CAD: variants seen among roughly 807,000 people sequenced by gnomAD.
The protein encoded by CAD is carbamoyl-phosphate synthetase 2, aspartate transcarbamylase, and dihydroorotase.
CAD carries 81 observed loss-of-function variants against 237.2 expected under a neutral mutation model. That is an observed-to-expected ratio of 0.34 (90% CI 0.29 to 0.41). The LOEUF is 0.41. Among genes scored for constraint, CAD ranks in the 10% least tolerant of loss-of-function variants. The probability of loss-of-function intolerance (pLI) is 1.00; values close to 1 mark genes in which losing one functional copy is unlikely to be tolerated. For missense variants in CAD, 2,181 were observed against 2,951.7 expected (o/e 0.74, Z 6.05); for synonymous variants, 1,196 against 1,162.8 (o/e 1.03, Z -0.58).
At position 27,230,370 on chromosome 2, in the gene CAD, G is replaced by A. The variant is rs115453885; in HGVS notation, c.2288-1098G>A. On this transcript the variant is annotated intron_variant, in intron 15 of 43. Transcript: ENST00000264705. ...AACATACCTATGAAGGGCCCGGCAC[G>A]GTGGCTCACGCCTGTAACCCCAGCA... Among the ~76,000 whole-genome samples, 1,052 of 150,054 alleles carry A rather than the reference G, an allele frequency of 7.0e-3. 10 individuals carry two copies. Among genetic ancestry groups the A allele is most frequent in the African/African-American group, 0.024 (985 of 40,900 alleles).
Position 27,232,382 on chromosome 2 carries a change from C to G in CAD, c.2646-66C>G, listed in dbSNP as rs1675802482. On this transcript the variant is annotated intron_variant, in intron 17 of 43. Coordinates refer to ENST00000264705, the MANE Select transcript of CAD (RefSeq NM_004341.5). The surrounding 1 kb of genome is among the most constrained non-coding windows in gnomAD (Gnocchi z 4.1). ...TTTCCTCTCATCTGTGCCCTGGGGTCTCAACCCTCTATCAGTCTGTACCCT... is the reference window on the plus strand; with the variant it reads ...TTTCCTCTCATCTGTGCCCTGGGGTGTCAACCCTCTATCAGTCTGTACCCT... The G allele has an allele frequency of 1.9e-6, 3 of 1,600,216 alleles. No homozygotes were observed. In the East Asian group the frequency reaches 6.7e-5, roughly 36 times the overall value.
chr2:27,242,177 T>A lies in CAD; in HGVS notation c.6096+54T>A, dbSNP rs1676352303. Reference sequence around the variant, plus strand: ...GTTAAGAAGGCTGGACCCAGGGGCATGAGAACCCTTCTGCCCACGTTTTCT... The same window carrying A: ...GTTAAGAAGGCTGGACCCAGGGGCAAGAGAACCCTTCTGCCCACGTTTTCT... On this transcript the variant is annotated intron_variant, in intron 39 of 43. Transcript: ENST00000264705. This position sits in a 1 kb window ranked among gnomAD's most constrained non-coding sequence, Gnocchi z 6.4. 1 of 1,594,572 alleles carries A rather than the reference T, an allele frequency of 6.3e-7. No individual in the cohort carries two copies. The highest frequency in any genetic ancestry group is 1.3e-5 in the African/African-American group (1 of 74,652).
In CAD at chr2:27,238,300, G is replaced by C. The variant is rs1228951733; in HGVS notation, c.4860+113G>C. 3 of 1,471,426 alleles carry C rather than the reference G, an allele frequency of 2.0e-6. No individual in the cohort carries two copies. The African/African-American group carries it at 4.2e-5, about 21-fold the overall frequency. 91.1% of individuals were successfully genotyped at this position (1,471,426 alleles called of 1,614,324 possible). ...GGAGGAGAGTCTGGAGACAGCAGGAGGAGGGTCTCGAGCCAGCACCCTTGC... is the reference window on the plus strand; with the variant it reads ...GGAGGAGAGTCTGGAGACAGCAGGACGAGGGTCTCGAGCCAGCACCCTTGC... On this transcript the variant is annotated intron_variant, in intron 30 of 43. Coordinates refer to ENST00000264705, the MANE Select transcript of CAD (RefSeq NM_004341.5).
At position 27,243,615 on chromosome 2, in the gene CAD, A is replaced by G; in HGVS notation, c.*97A>G. On this transcript the variant is annotated 3_prime_UTR_variant, in exon 44 of 44. Coordinates refer to ENST00000264705, the MANE Select transcript of CAD (RefSeq NM_004341.5). The stretch of plus-strand genomic sequence containing the variant: ...GCAGCACACTTAGATATTCCTGGAC[A>G]TCCAGATAGCTCACATGTGCTGACC... 1.1e-6 allele frequency: 1 copy of G among 933,612 alleles called. No homozygotes were observed. Among genetic ancestry groups the G allele is most frequent in the Non-Finnish European group, 1.7e-6 (1 of 602,474 alleles). 57.8% of individuals were successfully genotyped at this position (933,612 alleles called of 1,614,324 possible). A position where few individuals can be genotyped will look rare whatever the true frequency, so the allele number is the denominator to read the frequency against.
chr2:27,226,169 C>T lies in CAD; in HGVS notation c.1881C>T (p.His627=), dbSNP rs1675437531. The T allele has an allele frequency of 2.5e-6, 4 of 1,614,086 alleles. No individual in the cohort carries two copies. The highest frequency in any genetic ancestry group is 1.3e-5 in the African/African-American group (1 of 74,934). Reference sequence around the variant, plus strand: ...AGAACTTGGACCCACTGGGCATCCACACTGGTGAGTCCATAGTGGTGGCCC... The same window carrying T: ...AGAACTTGGACCCACTGGGCATCCATACTGGTGAGTCCATAGTGGTGGCCC... ...NMENLDPLGI[H]TGESIVVAPS... is the part of the protein sequence containing the mutation. The change falls in exon 13 of 44, where the codon CAC becomes CAT. Residue 627 remains histidine (H), a synonymous_variant. Transcript: ENST00000264705.
chr2:27,243,014 T>C, intron 42 of CAD, 41 bp downstream of exon 42: 1 of 1,508,964 alleles, frequency 6.6e-7, no homozygotes, highest in African/African-American at 1.4e-5. Context: ...GCTGCTGCCG[T>C]AGGGCATCAG....
In CAD at chr2:27,236,472, C is replaced by T; in HGVS notation, c.4263C>T (p.Asp1421=). 9 of 1,613,848 alleles carry T rather than the reference C, an allele frequency of 5.6e-6. No homozygotes were observed. Among genetic ancestry groups the T allele is most frequent in the Non-Finnish European group, 7.6e-6 (9 of 1,180,032 alleles). Residue 1421 remains aspartate, a synonymous_variant, in exon 26 of 44, where the codon GAC becomes GAT. Coordinates refer to ENST00000264705, the MANE Select transcript of CAD (RefSeq NM_004341.5). The surrounding 1 kb of genome is among the most constrained non-coding windows in gnomAD (Gnocchi z 4.1). ...KGYRTRRLAA[D]FSVPLIIDIK... ...ACCGCACCCGACGCTTGGCCGCTGA[C>T]TTCTCCGTGCCCCTAATCATCGATA...
chr2:27,225,945 G>A lies in CAD; in HGVS notation c.1842+19G>A, dbSNP rs1464328886. On this transcript the variant is annotated intron_variant, in intron 12 of 43. Transcript: ENST00000264705. ...TGTCACGGTGAGTGAATGGGGGAAG[G>A]GTGGGCGTCGTGTCAGGCAGGATGA... 2.5e-6 allele frequency: 4 copies of A among 1,607,000 alleles called. No homozygotes were observed. Among genetic ancestry groups the A allele is most frequent in the Non-Finnish European group, 3.4e-6 (4 of 1,173,452 alleles).
In CAD at chr2:27,242,315, A is replaced by C. The variant is rs1572455005; in HGVS notation, c.6110A>C (p.His2037Pro). The change falls in exon 40 of 44, where the codon CAC (histidine) becomes CCC (proline). Residue 2037 changes from histidine (H) to proline (P), a missense_variant. Physicochemically the swap from His to Pro is moderately conservative, Grantham distance 77. Coordinates refer to ENST00000264705, the MANE Select transcript of CAD (RefSeq NM_004341.5). The surrounding 1 kb of genome is among the most constrained non-coding windows in gnomAD (Gnocchi z 6.4). ...QPGAVELAAK[H>P]CRRPVINAGD... ...CCTTTTTTCCAGCTGGCCGCCAAGC[A>C]CTGCCGGAGGCCAGTGATCAATGCT... 6.2e-7 allele frequency: 1 copy of C among 1,609,824 alleles called. No individual in the cohort carries two copies. Among genetic ancestry groups the C allele is most frequent in the Admixed American group, 1.7e-5 (1 of 59,658 alleles).
chr2:27,228,561 T>C (rs56364136), intron 15 of CAD, among the ~76,000 whole-genome samples: 65,947 of 152,104 alleles, frequency 0.43, 17,821 homozygotes, highest in African/African-American at 0.76. Context: ...TGCATTCCAG[T>C]CTGGGTGCCA....
intron 31 of CAD, among the ~76,000 whole-genome samples, 200 bp from the exon 32 acceptor site, chr2:27,238,842 T>C (rs1274652847): frequency 6.6e-6 from 1 of 152,072 alleles, no homozygotes; most frequent in African/African-American, 2.4e-5. Context: ...GAACTGCAAG[T>C]GAAAGAATAC....
At chr2:27,219,526 G>A (rs779391534) in intron 2 of CAD, among the ~76,000 whole-genome samples, 1 of 152,014 alleles carries the variant, frequency 6.6e-6, no homozygotes, top group South Asian at 2.1e-4. Flanking sequence ...TGTATTTTTT[G>A]TAGAGACCGG....
chr2:27,218,767 C>T (rs570990670), intron 2 of CAD, among the ~76,000 whole-genome samples: 4 of 152,090 alleles, frequency 2.6e-5, no homozygotes, highest in Non-Finnish European at 5.9e-5. Flanking sequence ...TTAAAAAAAA[C>T]CCAACATATA....
rs755241075 is a variant in CAD, at chr2:27,239,240, G to A, written c.5253+8G>A. ...GAGGACACCTATGTGGAGGTGTGGG[G>A]ATGAGGCCCAGAGCAGGAGGGGGGC... On this transcript the variant is annotated splice_region_variant and intron_variant, in intron 32 of 43. Coordinates refer to ENST00000264705, the MANE Select transcript of CAD (RefSeq NM_004341.5). The surrounding 1 kb of genome is among the most constrained non-coding windows in gnomAD (Gnocchi z 4.0). 6.2e-6 allele frequency: 10 copies of A among 1,602,758 alleles called. No individual in the cohort carries two copies. The highest frequency in any genetic ancestry group is 8.5e-6 in the Non-Finnish European group (10 of 1,171,806).
Position 27,217,450 on chromosome 2 carries a change from C to G in CAD, c.-102C>G, listed in dbSNP as rs1049334176. The G allele has an allele frequency of 6.8e-6, 7 of 1,029,616 alleles. No homozygotes were observed. In the African/African-American group the frequency reaches 9.6e-5, roughly 14 times the overall value. 63.8% of individuals were successfully genotyped at this position (1,029,616 alleles called of 1,614,324 possible). A position where few individuals can be genotyped will look rare whatever the true frequency, so the allele number is the denominator to read the frequency against. Reference sequence around the variant, plus strand: ...TCTCTCCAGCGCCCCGCGCCGTTAGCCACGTGGACCGACTCCGGCGCGCCG... The same window carrying G: ...TCTCTCCAGCGCCCCGCGCCGTTAGGCACGTGGACCGACTCCGGCGCGCCG... On this transcript the variant is annotated 5_prime_UTR_variant, in exon 1 of 44. Coordinates refer to ENST00000264705, the MANE Select transcript of CAD (RefSeq NM_004341.5).
rs1676331121 is a variant in CAD at position 27,241,808 on chromosome 2, C to T, written c.5884-103C>T. 2 of 889,990 alleles carry T rather than the reference C, an allele frequency of 2.2e-6. No individual in the cohort carries two copies. 55.1% of individuals were successfully genotyped at this position (889,990 alleles called of 1,614,324 possible). ...AGGGGAGGTTTGGGTGCAGAAGGGT[C>T]CTCACAGCACCCCTCAAGTGTCAGT... On this transcript the variant is annotated intron_variant, in intron 38 of 43. Coordinates refer to ENST00000264705, the MANE Select transcript of CAD (RefSeq NM_004341.5). This position sits in a 1 kb window ranked among gnomAD's most constrained non-coding sequence, Gnocchi z 4.6.
In CAD at chr2:27,232,597, C is replaced by A. The variant is rs1381294723; in HGVS notation, c.2795C>A (p.Thr932Lys). ...WGTTHDLTFR[T>K]PHVLVLGSGV... Reference sequence around the variant, plus strand: ...ACCACCCATGACCTCACCTTTCGAACACCTCATGTCCTAGTCCTTGGCTCT... The same window carrying A: ...ACCACCCATGACCTCACCTTTCGAAAACCTCATGTCCTAGTCCTTGGCTCT... The change falls in exon 18 of 44, where the codon ACA (threonine) becomes AAA (lysine). Residue 932 changes from threonine to lysine, a missense_variant. By Grantham distance (78) the Thr-to-Lys change is moderately conservative. Around this residue, in one of 12 missense-constraint regions of CAD, gnomAD observed 385 missense variants for 535.1 expected, o/e 0.72. Coordinates refer to ENST00000264705, the MANE Select transcript of CAD (RefSeq NM_004341.5). The surrounding 1 kb of genome is among the most constrained non-coding windows in gnomAD (Gnocchi z 4.1). 1 of 1,614,226 alleles carries A rather than the reference C, an allele frequency of 6.2e-7. No homozygotes were observed. Among genetic ancestry groups the A allele is most frequent in the South Asian group, 1.1e-5 (1 of 91,072 alleles).
intron 11 of CAD, among the ~76,000 whole-genome samples, 192 bp downstream of exon 11, chr2:27,225,435 T>G (rs1177263902): frequency 6.6e-6 from 1 of 151,330 alleles, no homozygotes; most frequent in Non-Finnish European, 1.5e-5. Context: ...GCTTCCTGAG[T>G]AGCTGGGATT....
Position 27,236,867 on chromosome 2 carries a change from G to T in CAD, c.4396+37G>T. The T allele has an allele frequency of 1.9e-6, 3 of 1,559,288 alleles. No homozygotes were observed. Among genetic ancestry groups the T allele is most frequent in the Non-Finnish European group, 2.7e-6 (3 of 1,130,094 alleles). ...GGGAGAACTTGGCTTCTGAACACTGGCAGCCCCTGGCATAGAGACCTGCAG... is the reference window on the plus strand; with the variant it reads ...GGGAGAACTTGGCTTCTGAACACTGTCAGCCCCTGGCATAGAGACCTGCAG... On this transcript the variant is annotated intron_variant, in intron 27 of 43. Coordinates refer to ENST00000264705, the MANE Select transcript of CAD (RefSeq NM_004341.5). This position sits in a 1 kb window ranked among gnomAD's most constrained non-coding sequence, Gnocchi z 4.1.
Sources: allele counts gnomAD v4.1 joint callset (sites outside exome capture counted in the v4.1 genomes callset), GRCh38; gene constraint gnomAD v4.1.1; regional missense constraint gnomAD v4.1.1; non-coding constraint Gnocchi (gnomAD v3.1); transcripts MANE v1.5; gene names NCBI Gene and HGNC (gene_info 2026-07-23, HGNC 2026-07-21).